Variants in SUGP2 observed in about 807,000 individuals in gnomAD.
SUGP2 encodes SURP and G-patch domain-containing protein 2.
SUGP2 carries 24 observed loss-of-function variants against 90.5 expected under a neutral mutation model. The observed-to-expected ratio is 0.27, with a 90% CI of 0.19 to 0.37. SUGP2 has a LOEUF of 0.37. Ranked by LOEUF, SUGP2 falls within the 10% of genes least tolerant of loss-of-function variation. The probability of loss-of-function intolerance (pLI) is 1.00; values close to 1 mark genes in which losing one functional copy is unlikely to be tolerated. For missense variants in SUGP2, 1,233 were observed against 1,363.3 expected (o/e 0.90, Z 1.51); for synonymous variants, 473 against 513.4 (o/e 0.92, Z 1.06).
At chr19:18,999,641 T>TG (rs1478207570) in intron 8 of SUGP2, among the ~76,000 whole-genome samples, 2 of 152,142 alleles carry the variant, frequency 1.3e-5, no homozygotes, top group Non-Finnish European at 2.9e-5. Flanking sequence ...CTGCCATAAT[T>TG]GGGGTCAGAC....
chr19:19,003,369 G>A (rs951435561), intron 7 of SUGP2: 3 of 152,334 alleles, frequency 2.0e-5, no homozygotes, highest in African/African-American at 7.2e-5. Flanking sequence ...CACGGTCCAG[G>A]CCTGACTGTG....
intron 8 of SUGP2, among the ~76,000 whole-genome samples, chr19:18,996,204 C>T (rs932085853): frequency 2.0e-5 from 3 of 152,118 alleles, no homozygotes; most frequent in Non-Finnish European, 2.9e-5. Context: ...CCAGACCAGC[C>T]TGGCCAACGT....
intron 2 of SUGP2, 26 bp from the exon 3 acceptor site, chr19:19,026,252 AAAG>A (rs532204385): frequency 9.1e-5 from 136 of 1,491,812 alleles, no homozygotes; most frequent in East Asian, 2.8e-4. Context: ...CAAAAAAAAA[AAAG>A]AAGAAGCCAA....
intron 5 of SUGP2, 95 bp downstream of exon 5, chr19:19,009,760 G>C: frequency 1.4e-6 from 2 of 1,460,460 alleles, no homozygotes; most frequent in Non-Finnish European, 1.8e-6. Context: ...CCACTGCCTT[G>C]CCTAGATTGC....
intron 8 of SUGP2, among the ~76,000 whole-genome samples, chr19:18,996,084 T>C (rs960385274): frequency 1.3e-5 from 2 of 152,214 alleles, no homozygotes; most frequent in Non-Finnish European, 2.9e-5. Context: ...CATGTATTCC[T>C]TGGCTCTTCA....
chr19:18,994,366 C>T lies in SUGP2; in HGVS notation c.3249G>A (p.Ter1083=). 6.2e-7 allele frequency: 1 copy of T among 1,614,066 alleles called. No individual in the cohort carries two copies. The highest frequency in any genetic ancestry group is 8.5e-7 in the Non-Finnish European group (1 of 1,179,938). ...QMYRHKRANK[*] is the part of the protein sequence containing the mutation. ...CTTACACACTGGCCTGTGAACATAC[C>T]TATTTGTTGGCCCGCTTGTGTCTGT... The change falls in exon 10 of 11, where the codon TAG becomes TAA. Residue 1083 remains the stop codon, a splice_region_variant and stop_retained_variant. Coordinates refer to ENST00000452918, the MANE Select transcript of SUGP2 (RefSeq NM_001017392.5).
At position 19,025,766 on chromosome 19, in the gene SUGP2, G is replaced by C. The variant is rs138702518; in HGVS notation, c.582C>G (p.Asp194Glu). The change falls in exon 3 of 11, where the codon GAC (aspartate) becomes GAG (glutamate). Residue 194 changes from aspartate to glutamate, a missense_variant. Asp to Glu is a conservative substitution (Grantham distance 45). Transcript: ENST00000452918. Reference sequence around the variant, plus strand: ...GCACAGAGTCAGCCTCCCCAGGATGGTCCACGTCATAATCCCGACTCTCCT... The same window carrying C: ...GCACAGAGTCAGCCTCCCCAGGATGCTCCACGTCATAATCCCGACTCTCCT... ...LEKESRDYDV[D>E]HPGEADSVLR... is the part of the protein sequence containing the mutation. The C allele has an allele frequency of 6.2e-7, 1 of 1,613,900 alleles. No individual in the cohort carries two copies. The highest frequency in any genetic ancestry group is 8.5e-7 in the Non-Finnish European group (1 of 1,179,988).
intron 2 of SUGP2, among the ~76,000 whole-genome samples, chr19:19,028,928 C>T (rs2059035751): frequency 2.6e-5 from 4 of 152,212 alleles, no homozygotes. Context: ...CTCAGGTGAT[C>T]TGCCCACCTT....
intron 4 of SUGP2, among the ~76,000 whole-genome samples, chr19:19,018,399 G>A (rs936106815): frequency 1.4e-5 from 2 of 140,780 alleles, no homozygotes; most frequent in African/African-American, 4.9e-5. Context: ...ATTTTAATAA[G>A]TTGTTCGGCC....
intron 5 of SUGP2, among the ~76,000 whole-genome samples, chr19:19,009,098 A>T (rs1222384019): frequency 6.6e-6 from 1 of 151,990 alleles, no homozygotes; most frequent in Non-Finnish European, 1.5e-5. Context: ...TTTTTAGTAG[A>T]GATCGGGTTT....
At position 19,024,772 on chromosome 19, in the gene SUGP2, C is replaced by CT; in HGVS notation, c.1575dup (p.Glu526ArgfsTer20). Reference sequence around the variant, plus strand: ...CAGGCCTTCAGGTGGTCTATGTACTCTCGCCCAAACAAAGTGGAGTCTTCG... The same window carrying CT: ...CAGGCCTTCAGGTGGTCTATGTACTCTTCGCCCAAACAAAGTGGAGTCTTCG... On this transcript the variant is annotated frameshift_variant, in exon 3 of 11. Coordinates refer to ENST00000452918, the MANE Select transcript of SUGP2 (RefSeq NM_001017392.5). LOFTEE classifies it high-confidence loss of function. 6.2e-7 allele frequency: 1 copy of CT among 1,614,196 alleles called. No individual in the cohort carries two copies. The highest frequency in any genetic ancestry group is 8.5e-7 in the Non-Finnish European group (1 of 1,180,046).
At chr19:19,026,327 G>A (rs2058932341) in intron 2 of SUGP2, 101 bp from the exon 3 acceptor site, 5 of 1,213,822 alleles carry the variant, frequency 4.1e-6, no homozygotes, top group Non-Finnish European at 3.3e-6. Flanking sequence ...TCACCAGGCA[G>A]CAAAACTGCT....
At position 19,026,166 on chromosome 19, in the gene SUGP2, C is replaced by A. The variant is rs746212905; in HGVS notation, c.182G>T (p.Gly61Val). The A allele has an allele frequency of 1.2e-6, 2 of 1,613,520 alleles. No homozygotes were observed. Among genetic ancestry groups the A allele is most frequent in the Admixed American group, 3.3e-5 (2 of 59,952 alleles). ...TACAGATCCACTGAGGGAGTATCTG[C>A]CATCGCTGTGGACGTCATCATACAT... is the stretch of plus-strand genomic sequence containing the variant. ...AEMYDDVHSD[G>V]RYSLSGSVAH... Residue 61 changes from glycine (G) to valine (V), a missense_variant, in exon 3 of 11, where the codon GGC becomes GTC. Around this residue, in one of 8 missense-constraint regions of SUGP2, gnomAD observed 418 missense variants for 399.9 expected, o/e 1.05. Coordinates refer to ENST00000452918, the MANE Select transcript of SUGP2 (RefSeq NM_001017392.5).
chr19:19,017,156 G>A (rs1289387768), intron 4 of SUGP2, among the ~76,000 whole-genome samples: 1 of 152,212 alleles, frequency 6.6e-6, no homozygotes, highest in Non-Finnish European at 1.5e-5. Context: ...CTGCATTGCA[G>A]CCTGGGCAAC....
chr19:19,024,186 T>C (rs2058835688), intron 3 of SUGP2, among the ~76,000 whole-genome samples: 1 of 152,152 alleles, frequency 6.6e-6, no homozygotes, highest in Non-Finnish European at 1.5e-5. Context: ...CTCAGCTCAC[T>C]GAAACCTCCG....
chr19:19,015,058 C>T (rs756264397), intron 4 of SUGP2, among the ~76,000 whole-genome samples: 11 of 151,298 alleles, frequency 7.3e-5, no homozygotes, highest in Non-Finnish European at 1.2e-4. Context: ...AAAAATTAGC[C>T]GGGTGTGGTG....
chr19:19,024,757 G>A lies in SUGP2; in HGVS notation c.1591C>T (p.Leu531=), dbSNP rs1358182713. ...CCGCTGCTGACTAGCCAGGCCTTCA[G>A]GTGGTCTATGTACTCTCGCCCAAAC... ...TLFGREYIDH[L]KAWLVSSGCP... The change falls in exon 3 of 11, where the codon CTG becomes TTG. Residue 531 remains leucine, a synonymous_variant. Coordinates refer to ENST00000452918, the MANE Select transcript of SUGP2 (RefSeq NM_001017392.5). 6.2e-7 allele frequency: 1 copy of A among 1,614,038 alleles called. No homozygotes were observed. Among genetic ancestry groups the A allele is most frequent in the African/African-American group, 1.3e-5 (1 of 74,898 alleles).
chr19:19,019,159 G>A lies in SUGP2; in HGVS notation c.1800C>T (p.Gly600=). The change falls in exon 4 of 11, where the codon GGC becomes GGT. Residue 600 remains glycine (G), a synonymous_variant. Coordinates refer to ENST00000452918, the MANE Select transcript of SUGP2 (RefSeq NM_001017392.5). ...IDQLVKRVIE[G]SLSPKERTLL... ...GAGTTCTCTCTTTGGGAGACAGGCT[G>A]CCTTCGATGACACGTTTCACAAGCT... 6.2e-7 allele frequency: 1 copy of A among 1,614,128 alleles called. No individual in the cohort carries two copies. The highest frequency in any genetic ancestry group is 8.5e-7 in the Non-Finnish European group (1 of 1,179,968).
intron 6 of SUGP2, among the ~76,000 whole-genome samples, chr19:19,005,879 ACACACACACACAC>A (rs761226199): frequency 0.18 from 5,341 of 29,528 alleles, 297 homozygotes; most frequent in African/African-American, 0.35. Context: ...ACACACACAC[ACACACACACACAC>A]CACACACACA....
Sources: allele counts gnomAD v4.1 joint callset (sites outside exome capture counted in the v4.1 genomes callset), GRCh38; gene constraint gnomAD v4.1.1; regional missense constraint gnomAD v4.1.1; transcripts MANE v1.5; gene names NCBI Gene and HGNC (gene_info 2026-07-23, HGNC 2026-07-21).